The following PPL variants were observed in gnomAD, a reference collection of about 807,000 sequenced individuals.
The protein encoded by PPL is periplakin, also known as 190 kDa paraneoplastic pemphigus antigen.
Under a neutral mutation model 194.4 loss-of-function variants are expected in PPL, and 198 were observed. The observed-to-expected ratio is 1.02, with a 90% confidence interval of 0.91 to 1.15. PPL has a LOEUF of 1.15. Ranked by LOEUF, PPL falls within the 50% of genes most tolerant of loss-of-function variation. The pLI, the probability that PPL is intolerant of heterozygous loss-of-function variation, is 0.00. For synonymous variants in PPL, 1,220 were observed against 972.4 expected (o/e 1.25, Z -4.74); for missense variants, 2,885 against 2,294.8 (o/e 1.26, Z -5.25).
chr16:4,901,364 C>T (rs2088566814), intron 4 of PPL, among the ~76,000 whole-genome samples: 1 of 152,134 alleles, frequency 6.6e-6, no homozygotes, highest in African/African-American at 2.4e-5. Context: ...TGAATGAGGG[C>T]CAGTCACCTG....
At chr16:4,900,666 G>A (rs1379937203) in intron 6 of PPL, among the ~76,000 whole-genome samples, 164 bp downstream of exon 6, 1 of 151,864 alleles carries the variant, frequency 6.6e-6, no homozygotes, top group Non-Finnish European at 1.5e-5. Flanking sequence ...TCAAACTCGT[G>A]GGCTCAAGTG....
At chr16:4,903,190 C>T (rs562846184) in intron 3 of PPL, among the ~76,000 whole-genome samples, 4 of 152,042 alleles carry the variant, frequency 2.6e-5, no homozygotes, top group South Asian at 2.1e-4. Context: ...CTGCCCTTGC[C>T]GGGGTGGAGA....
Position 4,890,936 on chromosome 16 carries a change from G to A in PPL, c.1969-15C>T, listed in dbSNP as rs1860773139. The A allele has an allele frequency of 6.6e-7, 1 of 1,504,614 alleles. No homozygotes were observed. Among genetic ancestry groups the A allele is most frequent in the African/African-American group, 1.4e-5 (1 of 71,486 alleles). The allele number at this position is 1,504,614 out of a possible 1,614,324, so 93.2% of individuals were successfully genotyped here. A position where few individuals can be genotyped will look rare whatever the true frequency, so the allele number is the denominator to read the frequency against. On this transcript the variant is annotated splice_polypyrimidine_tract_variant and intron_variant, in intron 16 of 21. Transcript: ENST00000345988. ...CAGGCCATGGCCTGGCGGGGCAGAGGAGGAGACGGCGGTGCTACGGCCAGA... is the reference window on the plus strand; with the variant it reads ...CAGGCCATGGCCTGGCGGGGCAGAGAAGGAGACGGCGGTGCTACGGCCAGA...
intron 1 of PPL, among the ~76,000 whole-genome samples, chr16:4,929,427 T>C (rs951098316): frequency 1.3e-5 from 2 of 152,100 alleles, no homozygotes; most frequent in Non-Finnish European, 2.9e-5. Flanking sequence ...CCCCGCCAGC[T>C]GTGCCCCACG....
chr16:4,893,446 C>G, intron 13 of PPL, 76 bp from the exon 14 acceptor site: 1 of 1,587,174 alleles, frequency 6.3e-7, no homozygotes, highest in South Asian at 1.1e-5. Flanking sequence ...ACCTAGGCAG[C>G]CAGCCCCCCG....
At chr16:4,911,595 C>T (rs2142387803) in intron 1 of PPL, among the ~76,000 whole-genome samples, 2 of 152,304 alleles carry the variant, frequency 1.3e-5, no homozygotes, top group East Asian at 3.9e-4. Flanking sequence ...GGTGTAGCGG[C>T]ACAGTCATGG....
rs560926290 is a variant in PPL, at chr16:4,890,211, C to A, written c.2286G>T (p.Gln762His). Reference protein sequence around the residue: ...YEPQETDSLSQMETKLKNQKN... With the variant: ...YEPQETDSLSHMETKLKNQKN... ...TCTGGTTCTTCAGCTTGGTCTCCAT[C>A]TGGCTGAGGCTGTCTGTCTCCTGGG... is the stretch of plus-strand genomic sequence containing the variant. Residue 762 changes from glutamine (Q) to histidine (H), a missense_variant, in exon 18 of 22, where the codon CAG (glutamine) becomes CAT (histidine). Gln to His is a conservative substitution (Grantham distance 24). Transcript: ENST00000345988. 5 of 1,614,210 alleles carry A rather than the reference C, an allele frequency of 3.1e-6. No homozygotes were observed. In the South Asian group the frequency reaches 5.5e-5, roughly 18 times the overall value.
At chr16:4,908,752 G>A (rs1940028870) in intron 2 of PPL, among the ~76,000 whole-genome samples, 1 of 152,136 alleles carries the variant, frequency 6.6e-6, no homozygotes, top group South Asian at 2.1e-4. Context: ...TGTTGCTCAG[G>A]CTTGTCTGAA....
At chr16:4,914,691 T>G (rs2088884938) in intron 1 of PPL, among the ~76,000 whole-genome samples, 2 of 152,184 alleles carry the variant, frequency 1.3e-5, no homozygotes, top group Admixed American at 1.3e-4. Flanking sequence ...GATATGTTCA[T>G]GAGCCAGCAA....
chr16:4,885,124 G>T lies in PPL; in HGVS notation c.3531C>A (p.Ile1177=), dbSNP rs969984761. 1.2e-6 allele frequency: 2 copies of T among 1,613,784 alleles called. No individual in the cohort carries two copies. The highest frequency in any genetic ancestry group is 3.3e-5 in the Admixed American group (2 of 60,002). ...KVVVQEKVRE[I]VRPDPKAESE... ...TTTCCGCCTTGGGGTCTGGCCGCAC[G>T]ATCTCCCGCACCTTCTCCTGCACCA... The change falls in exon 22 of 22, where the codon ATC becomes ATA. Residue 1177 remains isoleucine (I), a synonymous_variant. Transcript: ENST00000345988. This position sits in a 1 kb window ranked among gnomAD's most constrained non-coding sequence, Gnocchi z 6.3.
rs1354819241 is a variant in PPL, at chr16:4,885,287, T to C, written c.3368A>G (p.Asp1123Gly). The C allele has an allele frequency of 5.7e-6, 9 of 1,590,220 alleles. No homozygotes were observed. The South Asian group carries it at 8.9e-5, about 16-fold the overall frequency. Reference protein sequence around the residue: ...TVKEVLKVEKDAATEREVSDL... With the variant: ...TVKEVLKVEKGAATEREVSDL... ...GCTGACCTCCCTCTCGGTGGCCGCGTCCTTCTCCACCTTGAGCACCTCCTT... is the reference window on the plus strand; with the variant it reads ...GCTGACCTCCCTCTCGGTGGCCGCGCCCTTCTCCACCTTGAGCACCTCCTT... The change falls in exon 22 of 22, where the codon GAC becomes GGC. Residue 1123 changes from aspartate (D) to glycine (G), a missense_variant. Asp to Gly is a moderately conservative substitution (Grantham distance 94). Transcript: ENST00000345988. This position sits in a 1 kb window ranked among gnomAD's most constrained non-coding sequence, Gnocchi z 6.3.
intron 1 of PPL, among the ~76,000 whole-genome samples, chr16:4,933,304 G>A (rs141813542): frequency 6.6e-5 from 10 of 152,238 alleles, no homozygotes; most frequent in South Asian, 2.1e-4. Context: ...CCATCAGGGC[G>A]GCCCCAGTGT....
chr16:4,895,469 G>C (rs972851100), intron 10 of PPL, 62 bp from the exon 11 acceptor site: 1 of 1,604,382 alleles, frequency 6.2e-7, no homozygotes, highest in African/African-American at 1.3e-5. Context: ...GTGGGAGGAC[G>C]CAGAGCAGGG....
intron 1 of PPL, among the ~76,000 whole-genome samples, chr16:4,918,468 C>A (rs140076720): frequency 6.6e-6 from 1 of 152,012 alleles, no homozygotes; most frequent in African/African-American, 2.4e-5. Flanking sequence ...CTGCCCACTG[C>A]GAAGCAAGTC....
In PPL at chr16:4,891,717, C is replaced by G. The variant is rs367805418; in HGVS notation, c.1968+94G>C. On this transcript the variant is annotated intron_variant, in intron 16 of 21. Coordinates refer to ENST00000345988, the MANE Select transcript of PPL (RefSeq NM_002705.5). Reference sequence around the variant, plus strand: ...ATTCCAAACCTGGGGAGACTGGATGCTGGTGTCCTCATCTATCCAGACGGG... The same window carrying G: ...ATTCCAAACCTGGGGAGACTGGATGGTGGTGTCCTCATCTATCCAGACGGG... 2.3e-5 allele frequency: 34 copies of G among 1,451,000 alleles called. No individual in the cohort carries two copies. The South Asian group carries it at 4.0e-4, about 17-fold the overall frequency. 89.9% of individuals were successfully genotyped at this position (1,451,000 alleles called of 1,614,324 possible).
At position 4,901,143 on chromosome 16, in the gene PPL, C is replaced by T. The variant is rs1298020420; in HGVS notation, c.439-54G>A. ...GAGAGGGTGGGCTGAGGGCTGGGGA[C>T]GTGTGGCCACCCCAGGAGCCTCGGG... On this transcript the variant is annotated intron_variant, in intron 4 of 21. Coordinates refer to ENST00000345988, the MANE Select transcript of PPL (RefSeq NM_002705.5). The T allele has an allele frequency of 1.1e-5, 18 of 1,594,996 alleles. No individual in the cohort carries two copies. The Middle Eastern group carries it at 6.7e-4, about 59-fold the overall frequency.
chr16:4,914,531 G>A (rs55887922), intron 1 of PPL, among the ~76,000 whole-genome samples: 10 of 152,278 alleles, frequency 6.6e-5, no homozygotes, highest in East Asian at 1.9e-4. Context: ...TGGATACACC[G>A]GAGCTGGGGG....
In PPL at chr16:4,885,316, G is replaced by C; in HGVS notation, c.3339C>G (p.Thr1113=). ...KERAMAEGKI[T]VKEVLKVEKD... ...TCTCCACCTTGAGCACCTCCTTGACGGTGATCTTGCCCTCGGCCATGGCCC... is the reference window on the plus strand; with the variant it reads ...TCTCCACCTTGAGCACCTCCTTGACCGTGATCTTGCCCTCGGCCATGGCCC... The change falls in exon 22 of 22, where the codon ACC becomes ACG. Residue 1113 remains threonine, a synonymous_variant. Coordinates refer to ENST00000345988, the MANE Select transcript of PPL (RefSeq NM_002705.5). This position sits in a 1 kb window ranked among gnomAD's most constrained non-coding sequence, Gnocchi z 6.3. 6.2e-7 allele frequency: 1 copy of C among 1,612,166 alleles called. No homozygotes were observed. The highest frequency in any genetic ancestry group is 8.5e-7 in the Non-Finnish European group (1 of 1,179,902).
Position 4,918,368 on chromosome 16 carries a change from C to T in PPL, c.63-7419G>A, listed in dbSNP as rs540637464. On this transcript the variant is annotated intron_variant, in intron 1 of 21. Coordinates refer to ENST00000345988, the MANE Select transcript of PPL (RefSeq NM_002705.5). ...TTCTCTCCTGAGTCAGGTCCTGCCT[C>T]TTGTCTCATTCTCCAGGGAAGCTGG... Among the ~76,000 whole-genome samples, 229 of 152,052 alleles carry T rather than the reference C, an allele frequency of 1.5e-3. 1 individual carries two copies. Among genetic ancestry groups the T allele is most frequent in the Non-Finnish European group, 2.6e-3 (178 of 68,006 alleles).
Sources: gnomAD v4.1 joint callset for allele counts (sites outside exome capture counted in the v4.1 genomes callset) on GRCh38, gnomAD v4.1.1 for gene constraint, Gnocchi (gnomAD v3.1) non-coding constraint, MANE v1.5 for transcripts, NCBI Gene and HGNC (gene_info 2026-07-23, HGNC 2026-07-21) for gene names.